The following RYR2 variants were observed in gnomAD, a reference collection of about 807,000 sequenced individuals.
The protein encoded by RYR2 is ryanodine receptor 2.
In RYR2, 227 loss-of-function variants were observed where a neutral mutation model predicts 601.1. The observed-to-expected ratio is 0.38, with a 90% CI of 0.34 to 0.42. The LOEUF (loss-of-function observed/expected upper bound fraction) is 0.42, where lower values mean the gene tolerates loss of function less well. Ranked by LOEUF, RYR2 falls within the 10% of genes least tolerant of loss-of-function variation. RYR2 has a pLI of 1.00. For synonymous variants in RYR2, 2,223 were observed against 2,175.1 expected, an observed-to-expected ratio of 1.02 and a Z score of -0.61; for missense variants, 4,646 against 6,156.5, an observed-to-expected ratio of 0.75 and a Z score of 8.21.
At chr1:237,542,802 TG>T in intron 25 of RYR2, among the ~76,000 whole-genome samples, 1 of 152,314 alleles carries the variant, frequency 6.6e-6, no homozygotes, top group South Asian at 2.1e-4. Flanking sequence ...ATATCTGTAC[TG>T]TTCATGGGTT....
chr1:237,288,347 C>G (rs1484873441), intron 2 of RYR2, among the ~76,000 whole-genome samples: 1 of 152,138 alleles, frequency 6.6e-6, no homozygotes, highest in African/African-American at 2.4e-5. Context: ...TTGGGAGGAA[C>G]TGGCGGTGGG....
intron 10 of RYR2, among the ~76,000 whole-genome samples, chr1:237,390,253 G>A (rs1702269455): frequency 1.3e-5 from 2 of 148,886 alleles, no homozygotes; most frequent in African/African-American, 2.6e-5. Context: ...AGCTTTTTCG[G>A]CTGTATCTAC....
intron 36 of RYR2, among the ~76,000 whole-genome samples, chr1:237,611,730 C>T (rs1677891161): frequency 6.6e-6 from 1 of 152,164 alleles, no homozygotes; most frequent in Admixed American, 6.5e-5. Flanking sequence ...AATGCACAAA[C>T]ATATTTGTAT....
At position 237,430,781 on chromosome 1, in the gene RYR2, G is replaced by C. The variant is rs146231605; in HGVS notation, c.1005+7533G>C. Among the ~76,000 whole-genome samples the C allele has an allele frequency of 2.6e-5, 4 of 152,282 alleles. No individual in the cohort carries two copies. In the East Asian group the frequency reaches 7.7e-4, roughly 29 times the overall value. ...TTAAAAGCTGTGAATATTTTTGAAT[G>C]TTCTTGATAGAGATTGCCCAAAGCA... On this transcript the variant is annotated intron_variant, in intron 12 of 104. Coordinates refer to ENST00000366574, the MANE Select transcript of RYR2 (RefSeq NM_001035.3).
rs555612946 is a variant in RYR2 at position 237,084,420 on chromosome 1, G to T, written c.48+41851G>T. On this transcript the variant is annotated intron_variant, in intron 1 of 104. Coordinates refer to ENST00000366574, the MANE Select transcript of RYR2 (RefSeq NM_001035.3). ...CTGAGGGTATTATGGAAATTGAATGGCACTTGTAAGAAAGCCGAACATGTA... is the reference window on the plus strand; with the variant it reads ...CTGAGGGTATTATGGAAATTGAATGTCACTTGTAAGAAAGCCGAACATGTA... Among the ~76,000 whole-genome samples the T allele has an allele frequency of 3.9e-5, 6 of 152,278 alleles. No individual in the cohort carries two copies. The South Asian group carries it at 1.2e-3, about 32-fold the overall frequency.
At chr1:237,115,114 C>T (rs180922463) in intron 1 of RYR2, among the ~76,000 whole-genome samples, 1 of 152,200 alleles carries the variant, frequency 6.6e-6, no homozygotes, top group East Asian at 1.9e-4. Context: ...CCCAGGCTAT[C>T]TGTCGGTACC....
At position 237,068,163 on chromosome 1, in the gene RYR2, C is replaced by T. The variant is rs1327466957; in HGVS notation, c.48+25594C>T. ...GCCCATTTTCCTCAAAGAAACAAAA[C>T]GTTTCGTTGTTTTTTAAAAAAACAC... On this transcript the variant is annotated intron_variant, in intron 1 of 104. Transcript: ENST00000366574. Among the ~76,000 whole-genome samples, 6 of 148,382 alleles carry T rather than the reference C, an allele frequency of 4.0e-5. No individual in the cohort carries two copies. The East Asian group carries it at 8.0e-4, about 20-fold the overall frequency.
At chr1:237,332,471 T>C (rs1269743583) in intron 3 of RYR2, among the ~76,000 whole-genome samples, 2 of 152,296 alleles carry the variant, frequency 1.3e-5, no homozygotes, top group East Asian at 3.9e-4. Context: ...TTCTTTCATG[T>C]AAACCTTCTC....
chr1:237,084,657 T>C (rs901747299), intron 1 of RYR2, among the ~76,000 whole-genome samples: 1 of 152,230 alleles, frequency 6.6e-6, no homozygotes, highest in African/African-American at 2.4e-5. Flanking sequence ...TCCTCCCAGC[T>C]GCATTTCCTT....
chr1:237,295,366 G>C (rs1043323996), intron 2 of RYR2, among the ~76,000 whole-genome samples: 1 of 152,104 alleles, frequency 6.6e-6, no homozygotes, highest in Non-Finnish European at 1.5e-5. Flanking sequence ...ATCTGATCTA[G>C]ATTGGTACAA....
chr1:237,248,430 G>T (rs1297782967), intron 1 of RYR2, among the ~76,000 whole-genome samples: 9 of 151,830 alleles, frequency 5.9e-5, no homozygotes, highest in African/African-American at 2.2e-4. Context: ...TGAACTCTGG[G>T]GTTATTTTCT....
rs138612261 is a variant in RYR2, at chr1:237,720,688, G to T, written c.10554+2167G>T. Among the ~76,000 whole-genome samples, 12 of 152,260 alleles carry T rather than the reference G, an allele frequency of 7.9e-5. No homozygotes were observed. The East Asian group carries it at 2.3e-3, about 29-fold the overall frequency. ...TGAAAGGGTGCAGGGGATCCCCAGGGGACCCTAGACCATACCTGGAGCACC... is the reference window on the plus strand; with the variant it reads ...TGAAAGGGTGCAGGGGATCCCCAGGTGACCCTAGACCATACCTGGAGCACC... On this transcript the variant is annotated intron_variant, in intron 73 of 104. Coordinates refer to ENST00000366574, the MANE Select transcript of RYR2 (RefSeq NM_001035.3).
chr1:237,087,063 A>G (rs527915842), intron 1 of RYR2, among the ~76,000 whole-genome samples: 2 of 152,296 alleles, frequency 1.3e-5, no homozygotes, highest in African/African-American at 4.8e-5. Flanking sequence ...AGCAATTCTC[A>G]GCACGCGCAA....
intron 1 of RYR2, among the ~76,000 whole-genome samples, chr1:237,201,927 T>C (rs1217261675): frequency 1.3e-5 from 2 of 152,196 alleles, no homozygotes; most frequent in Non-Finnish European, 2.9e-5. Flanking sequence ...ACTGAATTAC[T>C]TGCCAGATGA....
chr1:237,152,432 A>G (rs2485585), intron 1 of RYR2, among the ~76,000 whole-genome samples: 69,170 of 152,006 alleles, frequency 0.46, 16,936 homozygotes, highest in Non-Finnish European at 0.54. Flanking sequence ...TTGGCACACT[A>G]TCTTCCACAA....
chr1:237,770,880 C>T lies in RYR2; in HGVS notation c.11550C>T (p.His3850=), dbSNP rs1332886329. 1.6e-5 allele frequency: 25 copies of T among 1,545,234 alleles called. No individual in the cohort carries two copies. The highest frequency in any genetic ancestry group is 2.2e-5 in the Non-Finnish European group (25 of 1,141,474). ...TCCTGCAACTACTCTGTGAGGGACA[C>T]AACTCAGGTTTGTGAGTCCCCGGAA... ...FRFLQLLCEG[H]NSDFQNYLRT... The change falls in exon 85 of 105, where the codon CAC becomes CAT. Residue 3850 remains histidine (H), a synonymous_variant. Transcript: ENST00000366574.
At position 237,356,106 on chromosome 1, in the gene RYR2, T is replaced by C; in HGVS notation, c.294+121T>C. 5 of 817,300 alleles carry C rather than the reference T, an allele frequency of 6.1e-6. No individual in the cohort carries two copies. The South Asian group carries it at 8.0e-5, about 13-fold the overall frequency. 50.6% of individuals were successfully genotyped at this position (817,300 alleles called of 1,614,324 possible). ...TACTATTAGTGTTCAAACTAACTGC[T>C]TCGTTGTAATGAACACATGTTTTAC... On this transcript the variant is annotated intron_variant, in intron 4 of 104. Coordinates refer to ENST00000366574, the MANE Select transcript of RYR2 (RefSeq NM_001035.3).
intron 97 of RYR2, among the ~76,000 whole-genome samples, chr1:237,801,208 T>G (rs1659919159): frequency 6.6e-6 from 1 of 152,052 alleles, no homozygotes; most frequent in African/African-American, 2.4e-5. Flanking sequence ...GTACATATGT[T>G]GGCCAATTTA....
At chr1:237,798,674 T>G (rs1659573120) in intron 97 of RYR2, among the ~76,000 whole-genome samples, 1 of 152,162 alleles carries the variant, frequency 6.6e-6, no homozygotes, top group South Asian at 2.1e-4. Flanking sequence ...ATCATACCAT[T>G]ACTTGTAAAG....
Sources: allele counts gnomAD v4.1 joint callset (sites outside exome capture counted in the v4.1 genomes callset), GRCh38; gene constraint gnomAD v4.1.1; transcripts MANE v1.5; gene names NCBI Gene and HGNC (gene_info 2026-07-23, HGNC 2026-07-21).